The following HSF5 variants were observed in gnomAD, a reference collection of about 807,000 sequenced individuals.
HSF5 encodes the protein heat shock factor protein 5.
HSF5 carries 5 observed loss-of-function variants against 50.8 expected under a neutral mutation model. That is an observed-to-expected ratio of 0.10 (90% CI 0.05 to 0.21). HSF5 has a LOEUF of 0.21. HSF5 is among the 10% of genes least tolerant of loss of function. The probability of loss-of-function intolerance (pLI) is 1.00; values close to 1 mark genes in which losing one functional copy is unlikely to be tolerated. For missense variants in HSF5, 564 were observed against 762.6 expected (o/e 0.74, Z 3.07); for synonymous variants, 307 against 307.4 (o/e 1.00, Z 0.02).
chr17:58,455,141 T>C (rs977027345), intron 5 of HSF5, among the ~76,000 whole-genome samples: 11 of 152,204 alleles, frequency 7.2e-5, no homozygotes, highest in African/African-American at 2.4e-4. Flanking sequence ...TCTAAATCAA[T>C]TGTAACAGAA....
At position 58,463,216 on chromosome 17, in the gene HSF5, C is replaced by T. The variant is rs187372994; in HGVS notation, c.1108G>A (p.Val370Ile). Residue 370 changes from valine to isoleucine, a missense_variant, in exon 4 of 6, where the codon GTA becomes ATA. Around this residue, in one of 5 missense-constraint regions of HSF5, gnomAD observed 441 missense variants for 533.6 expected, o/e 0.83. Coordinates refer to ENST00000323777, the MANE Select transcript of HSF5 (RefSeq NM_001080439.3). The part of the protein sequence containing the change: ...STTDENTKTE[V>I]NLEAVFQIVD... ...ATCTGAAAGACAGCCTCTAGGTTTACTTCTGTCTTTGTATTTTCATCAGTA... is the reference window on the plus strand; with the variant it reads ...ATCTGAAAGACAGCCTCTAGGTTTATTTCTGTCTTTGTATTTTCATCAGTA... 3 of 1,614,098 alleles carry T rather than the reference C, an allele frequency of 1.9e-6. No individual in the cohort carries two copies. The highest frequency in any genetic ancestry group is 2.2e-5 in the East Asian group (1 of 44,886).
chr17:58,471,020 G>T (rs1974936475), intron 2 of HSF5, among the ~76,000 whole-genome samples: 1 of 152,148 alleles, frequency 6.6e-6, no homozygotes, highest in African/African-American at 2.4e-5. Flanking sequence ...AAAATAGAAT[G>T]GTGGTTGCTA....
At chr17:58,441,416 A>T (rs1974496529) in intron 5 of HSF5, among the ~76,000 whole-genome samples, 1 of 152,184 alleles carries the variant, frequency 6.6e-6, no homozygotes, top group Non-Finnish European at 1.5e-5. Context: ...CTTAGAAAAG[A>T]AGATCTAAAA....
intron 5 of HSF5, among the ~76,000 whole-genome samples, chr17:58,429,210 A>G (rs1263165706): frequency 1.3e-5 from 2 of 152,226 alleles, no homozygotes; most frequent in African/African-American, 4.8e-5. Context: ...CCATAGAGAC[A>G]GAAAACAGAT....
intron 5 of HSF5, among the ~76,000 whole-genome samples, chr17:58,433,757 A>C (rs1049128347): frequency 2.0e-4 from 31 of 152,124 alleles, no homozygotes; most frequent in African/African-American, 7.5e-4. Context: ...CAGTCATTGG[A>C]AACCTTGACA....
rs542651092 is a variant in HSF5, at chr17:58,429,619, G to C, written c.1721-7189C>G. ...CCAACACTTTGGGGAGGCCGAAGTGGATGGATCACCTGAGGTCAGGAGTTT... is the reference window on the plus strand; with the variant it reads ...CCAACACTTTGGGGAGGCCGAAGTGCATGGATCACCTGAGGTCAGGAGTTT... On this transcript the variant is annotated intron_variant, in intron 5 of 5. Transcript: ENST00000323777. 6.6e-5 allele frequency among the ~76,000 whole-genome samples: 10 copies of C among 152,270 alleles called. No individual in the cohort carries two copies. The East Asian group carries it at 1.7e-3, about 26-fold the overall frequency.
At chr17:58,424,065 G>T (rs1435922375) in intron 5 of HSF5, among the ~76,000 whole-genome samples, 1 of 152,158 alleles carries the variant, frequency 6.6e-6, no homozygotes, top group Non-Finnish European at 1.5e-5. Context: ...AGGGATAGGT[G>T]CTTACTCATC....
At chr17:58,451,453 TAAC>T (rs1275000028) in intron 5 of HSF5, among the ~76,000 whole-genome samples, 1 of 152,166 alleles carries the variant, frequency 6.6e-6, no homozygotes, top group African/African-American at 2.4e-5. Flanking sequence ...AAAGAAGTCT[TAAC>T]AATTTTTTTT....
At chr17:58,450,022 C>CAAAA (rs71143248) in intron 5 of HSF5, among the ~76,000 whole-genome samples, 24 of 76,482 alleles carry the variant, frequency 3.1e-4, no homozygotes, top group African/African-American at 4.5e-4. Context: ...GACTCCGTCT[C>CAAAA]AAAAAAAAAA....
chr17:58,459,000 G>C (rs1394070313), intron 4 of HSF5, 55 bp from the exon 5 acceptor site: 1 of 1,479,288 alleles, frequency 6.8e-7, no homozygotes, highest in African/African-American at 1.4e-5. Context: ...TCTGCTAAAA[G>C]TTAAGATATT....
At position 58,422,251 on chromosome 17, in the gene HSF5, A is replaced by T; in HGVS notation, c.*109T>A. 1.3e-6 allele frequency: 1 copy of T among 768,486 alleles called. No homozygotes were observed. The highest frequency in any genetic ancestry group is 2.2e-6 in the Non-Finnish European group (1 of 463,592). 47.6% of individuals were successfully genotyped at this position (768,486 alleles called of 1,614,324 possible). On this transcript the variant is annotated 3_prime_UTR_variant, in exon 6 of 6. Transcript: ENST00000323777. ...ATTCTCAATTAACGAAACAAAAAATACTTTTTTTTCCTTAACAGAACTGAA... is the reference window on the plus strand; with the variant it reads ...ATTCTCAATTAACGAAACAAAAAATTCTTTTTTTTCCTTAACAGAACTGAA...
At chr17:58,476,280 A>C in intron 2 of HSF5, 1 of 979,262 alleles carries the variant, frequency 1.0e-6, no homozygotes, top group South Asian at 1.3e-5. Flanking sequence ...CATCCATATC[A>C]GGAACCAAGT....
At chr17:58,482,709 CAAA>C (rs34783781) in intron 1 of HSF5, among the ~76,000 whole-genome samples, 2 of 13,462 alleles carry the variant, frequency 1.5e-4, no homozygotes, top group South Asian at 6.1e-3. Flanking sequence ...GACTCCATCT[CAAA>C]AAAAAAAAAA....
At chr17:58,461,074 C>A (rs537114377) in intron 4 of HSF5, among the ~76,000 whole-genome samples, 3 of 151,594 alleles carry the variant, frequency 2.0e-5, no homozygotes, top group Non-Finnish European at 2.9e-5. Flanking sequence ...AAATAGCCAG[C>A]CTGGGGGGAC....
Position 58,466,819 on chromosome 17 carries a change from A to T in HSF5, c.1020+66T>A, listed in dbSNP as rs978073400. 8 of 938,380 alleles carry T rather than the reference A, an allele frequency of 8.5e-6. No homozygotes were observed. In the African/African-American group the frequency reaches 1.1e-4, roughly 13 times the overall value. The allele number at this position is 938,380 out of a possible 1,614,324, so 58.1% of individuals were successfully genotyped here. The stretch of plus-strand genomic sequence containing the variant: ...TCATTAATATAAAATTACACTTTGA[A>T]ATTTTGCAATATCGATAAAATTGCA... On this transcript the variant is annotated intron_variant, in intron 3 of 5. Transcript: ENST00000323777.
intron 5 of HSF5, among the ~76,000 whole-genome samples, chr17:58,442,395 A>G (rs1001975960): frequency 1.3e-5 from 2 of 152,250 alleles, no homozygotes; most frequent in African/African-American, 4.8e-5. Flanking sequence ...AAGTAGGGAA[A>G]GTGGCCATCC....
intron 3 of HSF5, among the ~76,000 whole-genome samples, chr17:58,463,664 C>G (rs902425971): frequency 2.6e-5 from 4 of 152,282 alleles, no homozygotes; most frequent in Admixed American, 2.0e-4. Context: ...TAATTTGTAT[C>G]TATCATATAC....
intron 5 of HSF5, among the ~76,000 whole-genome samples, chr17:58,431,420 T>C (rs1974363741): frequency 1.3e-5 from 2 of 152,198 alleles, no homozygotes; most frequent in African/African-American, 2.4e-5. Context: ...AAAACTACAG[T>C]GTTACAATCT....
chr17:58,484,415 A>ATACAACTGAC (rs1975140896), intron 1 of HSF5, among the ~76,000 whole-genome samples: 1 of 152,230 alleles, frequency 6.6e-6, no homozygotes, highest in East Asian at 1.9e-4. Flanking sequence ...TATCCTTAAA[A>ATACAACTGAC]TACAACTGAG....
Sources: gnomAD v4.1 joint callset for allele counts (sites outside exome capture counted in the v4.1 genomes callset) on GRCh38, gnomAD v4.1.1 for gene constraint, gnomAD v4.1.1 regional missense constraint, MANE v1.5 for transcripts, NCBI Gene and HGNC (gene_info 2026-07-23, HGNC 2026-07-21) for gene names.